LRRC37A2: variants seen among roughly 807,000 people sequenced by gnomAD.
The protein encoded by LRRC37A2 is leucine rich repeat containing 37 member A2.
A neutral mutation model predicts 68.8 loss-of-function variants in LRRC37A2; 9 were observed. The observed-to-expected ratio is 0.13, with a 90% CI of 0.08 to 0.23. LRRC37A2 has a LOEUF of 0.23. LRRC37A2 is among the 10% of genes least tolerant of loss of function. The pLI is 1.00. For synonymous variants in LRRC37A2, 63 were observed against 367.6 expected (o/e 0.17, Z 9.48); for missense variants, 168 against 950.4 (o/e 0.18, Z 10.82).
chr17:46,908,046 C>T, the LRRC37A2 span, among the ~76,000 whole-genome samples: 1 of 152,068 alleles, frequency 6.6e-6, no homozygotes, highest in African/African-American at 2.4e-5. Flanking sequence ...CCTCTAATCC[C>T]CCAATGGTGG....
the LRRC37A2 span, among the ~76,000 whole-genome samples, chr17:46,734,913 T>C: frequency 7.9e-5 from 12 of 152,196 alleles, no homozygotes; most frequent in African/African-American, 2.9e-4. Context: ...TAGTCGAATG[T>C]GGTGGTGAGC....
the LRRC37A2 span, among the ~76,000 whole-genome samples, chr17:46,766,541 C>T: frequency 6.6e-6 from 1 of 152,178 alleles, no homozygotes; most frequent in Non-Finnish European, 1.5e-5. Flanking sequence ...TCCCACTCCC[C>T]ACACTGCTTT....
the LRRC37A2 span, among the ~76,000 whole-genome samples, chr17:47,022,203 C>CTTTTTTTTT: frequency 2.3e-5 from 1 of 43,916 alleles, no homozygotes; most frequent in Admixed American, 3.3e-4. Flanking sequence ...CAGGTTCTTA[C>CTTTTTTTTT]TTTGTCCTCT....
the LRRC37A2 span, chr17:46,931,320 A>G: frequency 1.4e-6 from 1 of 715,238 alleles, no homozygotes; most frequent in South Asian, 1.5e-5. Context: ...TTGAAAAACT[A>G]TGACTATGCA....
At chr17:46,736,924 C>T in the LRRC37A2 span, among the ~76,000 whole-genome samples, 1 of 152,246 alleles carries the variant, frequency 6.6e-6, no homozygotes, top group Admixed American at 6.5e-5. Context: ...CCCATCTAAA[C>T]TTACCATGGT....
the LRRC37A2 span, among the ~76,000 whole-genome samples, chr17:46,775,516 AG>A: frequency 3.9e-5 from 6 of 152,096 alleles, no homozygotes; most frequent in Admixed American, 3.9e-4. Context: ...CTGAGGAGCC[AG>A]ATCTGGGAGT....
chr17:46,823,168 ATATATT>A, the LRRC37A2 span, among the ~76,000 whole-genome samples: 2 of 124,196 alleles, frequency 1.6e-5, no homozygotes, highest in African/African-American at 3.4e-5. Context: ...ATTATATATT[ATATATT>A]TATATATAAT....
At chr17:46,946,724 A>C in the LRRC37A2 span, among the ~76,000 whole-genome samples, 2 of 151,138 alleles carry the variant, frequency 1.3e-5, no homozygotes, top group East Asian at 2.0e-4. Flanking sequence ...CTAGCCAGGC[A>C]AGTTGGTGTG....
At chr17:47,000,617 C>T in the LRRC37A2 span, among the ~76,000 whole-genome samples, 1 of 152,132 alleles carries the variant, frequency 6.6e-6, no homozygotes, top group Non-Finnish European at 1.5e-5. Context: ...TCAATTGAAC[C>T]TTCTCTCCTT....
chr17:46,774,562 T>G, the LRRC37A2 span, among the ~76,000 whole-genome samples: 5 of 152,232 alleles, frequency 3.3e-5, no homozygotes, highest in African/African-American at 1.2e-4. Context: ...AGACTGGAGC[T>G]TGGCTTTGTG....
the LRRC37A2 span, among the ~76,000 whole-genome samples, chr17:46,925,103 C>T: frequency 5.3e-5 from 8 of 151,028 alleles, no homozygotes; most frequent in African/African-American, 1.5e-4. Context: ...ACAATGCACC[C>T]TTGGACTCTA....
the LRRC37A2 span, among the ~76,000 whole-genome samples, chr17:46,870,297 C>T: frequency 6.6e-6 from 1 of 152,156 alleles, no homozygotes; most frequent in African/African-American, 2.4e-5. Flanking sequence ...CCCCAAGCTG[C>T]CCTCCACACT....
the LRRC37A2 span, among the ~76,000 whole-genome samples, chr17:47,046,172 C>A: frequency 3.2e-5 from 4 of 125,570 alleles, no homozygotes; most frequent in Admixed American, 8.2e-5. Context: ...ACTGAAAATA[C>A]AAAAGTACAA....
chr17:46,940,160 C>A, the LRRC37A2 span: 1 of 1,323,130 alleles, frequency 7.6e-7, no homozygotes, highest in Non-Finnish European at 9.7e-7. Context: ...CATGTTGGTC[C>A]TTTCAGGCAC....
At chr17:46,723,015 A>G in the LRRC37A2 span, among the ~76,000 whole-genome samples, 1 of 152,150 alleles carries the variant, frequency 6.6e-6, no homozygotes, top group Non-Finnish European at 1.5e-5. Flanking sequence ...CTCAAATGTT[A>G]TGTGTAGGCC....
the LRRC37A2 span, among the ~76,000 whole-genome samples, chr17:46,849,849 C>CTTT: frequency 0.18 from 26,170 of 145,166 alleles, 2,938 homozygotes; most frequent in East Asian, 0.47. Context: ...CATTTAATAT[C>CTTT]TTTTTTTTTT....
At chr17:46,709,493 AT>A in the LRRC37A2 span, among the ~76,000 whole-genome samples, 568 of 143,192 alleles carry the variant, frequency 4.0e-3, 1 homozygote, top group African/African-American at 5.2e-3. Flanking sequence ...CCAGCCTATA[AT>A]TTTTTTTTTT....
the LRRC37A2 span, among the ~76,000 whole-genome samples, chr17:46,667,913 CT>C: frequency 7.5e-6 from 1 of 132,622 alleles, no homozygotes; most frequent in Non-Finnish European, 1.7e-5. Flanking sequence ...AGTTCCCAAT[CT>C]TTTTGTTCTC....
At chr17:46,879,028 AC>A in the LRRC37A2 span, among the ~76,000 whole-genome samples, 8 of 152,308 alleles carry the variant, frequency 5.3e-5, no homozygotes, top group Non-Finnish European at 1.2e-4. Context: ...TAGAGTGACC[AC>A]TGACCCCTCA....
Sources: gnomAD v4.1 joint callset for allele counts (sites outside exome capture counted in the v4.1 genomes callset) on GRCh38, gnomAD v4.1.1 for gene constraint, MANE v1.5 for transcripts, NCBI Gene and HGNC (gene_info 2026-07-23, HGNC 2026-07-21) for gene names.